The following MCC variants were observed in gnomAD, a reference collection of about 807,000 sequenced individuals.
MCC encodes colorectal mutant cancer protein.
A neutral mutation model predicts 116.2 loss-of-function variants in MCC; 90 were observed. That is an observed-to-expected ratio of 0.77 (90% CI 0.65 to 0.92). The LOEUF (loss-of-function observed/expected upper bound fraction) is 0.92. MCC is among the 40% of genes least tolerant of loss of function. MCC has a pLI of 0.00. For synonymous variants in MCC, 578 were observed against 510.5 expected, an observed-to-expected ratio of 1.13 and a Z score of -1.78; for missense variants, 1,516 against 1,312.2, an observed-to-expected ratio of 1.16 and a Z score of -2.40.
At chr5:113,131,456 A>T (rs1254080385) in intron 5 of MCC, among the ~76,000 whole-genome samples, 1 of 152,174 alleles carries the variant, frequency 6.6e-6, no homozygotes, top group Non-Finnish European at 1.5e-5. Context: ...AGAAGGCCTT[A>T]TGTATAAAGT....
In MCC at chr5:113,022,339, C is replaced by A. The variant is rs1750199894; in HGVS notation, c.*4963G>T. ...AGTAGCAATTTTAAAATGAGACTTT[C>A]AGTACAAACAGTAGAACAATACTGA... On this transcript the variant is annotated 3_prime_UTR_variant, in exon 19 of 19. Coordinates refer to ENST00000408903, the MANE Select transcript of MCC (RefSeq NM_001085377.2). 1 of 152,548 alleles carries A rather than the reference C, an allele frequency of 6.6e-6. No homozygotes were observed. The highest frequency in any genetic ancestry group is 1.5e-5 in the Non-Finnish European group (1 of 67,988). The allele number at this position is 152,548 out of a possible 1,614,324, so 9.4% of individuals were successfully genotyped here.
At chr5:113,420,499 TAAATTTTAATATACA>T (rs1242087409) in intron 1 of MCC, among the ~76,000 whole-genome samples, 1 of 152,146 alleles carries the variant, frequency 6.6e-6, no homozygotes, top group Non-Finnish European at 1.5e-5. Context: ...CTCTATGAAA[TAAATTTTAATATACA>T]AACCTGACAG....
intron 1 of MCC, among the ~76,000 whole-genome samples, chr5:113,407,869 C>T (rs1426739454): frequency 1.3e-5 from 2 of 152,286 alleles, no homozygotes; most frequent in East Asian, 1.9e-4. Flanking sequence ...CATTGTTCAA[C>T]TCCCACTTAC....
intron 1 of MCC, among the ~76,000 whole-genome samples, chr5:113,410,073 G>A (rs2150402250): frequency 6.6e-6 from 1 of 152,264 alleles, no homozygotes; most frequent in Admixed American, 6.5e-5. Context: ...TTTCTCAAAT[G>A]ACATACCTAT....
At chr5:113,223,222 AT>A (rs1337598311) in intron 3 of MCC, among the ~76,000 whole-genome samples, 3 of 152,216 alleles carry the variant, frequency 2.0e-5, no homozygotes, top group Non-Finnish European at 4.4e-5. Context: ...GGGCAGGGCA[AT>A]GAGAGCAGAA....
At chr5:113,269,685 T>G (rs1765542275) in intron 3 of MCC, among the ~76,000 whole-genome samples, 1 of 152,196 alleles carries the variant, frequency 6.6e-6, no homozygotes, top group Non-Finnish European at 1.5e-5. Flanking sequence ...TAGTTTTTTA[T>G]TTGGTCAGAA....
intron 3 of MCC, among the ~76,000 whole-genome samples, chr5:113,236,800 T>G (rs989440551): frequency 1.3e-5 from 2 of 152,096 alleles, no homozygotes; most frequent in Non-Finnish European, 2.9e-5. Context: ...ACTGATCGGA[T>G]GTTTGTTCAG....
chr5:113,258,800 C>T (rs1765117775), intron 3 of MCC, among the ~76,000 whole-genome samples: 1 of 152,194 alleles, frequency 6.6e-6, no homozygotes, highest in Non-Finnish European at 1.5e-5. Flanking sequence ...AGTTTAAATG[C>T]TCCTGTTAAA....
intron 3 of MCC, among the ~76,000 whole-genome samples, chr5:113,198,150 G>A (rs73244736): frequency 0.024 from 3,702 of 152,252 alleles, 108 homozygotes; most frequent in African/African-American, 0.07. Context: ...TACAGAAATG[G>A]TATCACCCAT....
intron 3 of MCC, among the ~76,000 whole-genome samples, chr5:113,319,830 T>G (rs1767375857): frequency 6.6e-6 from 1 of 152,196 alleles, no homozygotes; most frequent in South Asian, 2.1e-4. Context: ...AGCAGGCCTC[T>G]CCCTCTTGCA....
At chr5:113,093,789 A>G (rs72803236) in intron 8 of MCC, among the ~76,000 whole-genome samples, 22,218 of 152,074 alleles carry the variant, frequency 0.15, 1,861 homozygotes, top group South Asian at 0.22. Flanking sequence ...CAGGAAGGCA[A>G]GGTGGCACCA....
intron 3 of MCC, among the ~76,000 whole-genome samples, chr5:113,253,482 C>T (rs551853807): frequency 1.3e-5 from 2 of 152,256 alleles, no homozygotes; most frequent in South Asian, 4.1e-4. Flanking sequence ...CCTTGACACA[C>T]CCTAAAGTGA....
At chr5:113,384,902 C>T (rs1490679496) in intron 2 of MCC, 66 bp downstream of exon 2, 1 of 1,582,522 alleles carries the variant, frequency 6.3e-7, no homozygotes, top group Non-Finnish European at 8.6e-7. Context: ...AGGCTACTCT[C>T]ATTTAATGAG....
intron 7 of MCC, 94 bp downstream of exon 7, chr5:113,104,098 G>C: frequency 3.2e-6 from 4 of 1,236,728 alleles, no homozygotes; most frequent in Non-Finnish European, 3.4e-6. Context: ...TTCATCCCTA[G>C]TAAGTATTTA....
At chr5:113,385,573 A>G (rs989543857) in intron 1 of MCC, among the ~76,000 whole-genome samples, 10 of 152,224 alleles carry the variant, frequency 6.6e-5, no homozygotes, top group Non-Finnish European at 1.5e-4. Context: ...AAAGTTTCAG[A>G]ACATAGAACA....
chr5:113,443,629 G>A (rs1771114658), intron 1 of MCC, among the ~76,000 whole-genome samples: 1 of 151,984 alleles, frequency 6.6e-6, no homozygotes, highest in Non-Finnish European at 1.5e-5. Context: ...ATTGGCTGTG[G>A]GTTTGTCATA....
chr5:113,294,274 T>G, intron 3 of MCC: 2 of 1,612,362 alleles, frequency 1.2e-6, no homozygotes, highest in Non-Finnish European at 1.7e-6. Context: ...GAGGGGGATT[T>G]GTGGAAAAGC....
intron 2 of MCC, among the ~76,000 whole-genome samples, chr5:113,354,802 A>ATTATTG (rs59377042): frequency 0.033 from 4,836 of 148,440 alleles, 118 homozygotes; most frequent in East Asian, 0.075. Flanking sequence ...TATTATTATT[A>ATTATTG]TTATTCAACA....
chr5:113,059,307 C>T (rs1000270153), intron 14 of MCC, among the ~76,000 whole-genome samples: 3 of 152,204 alleles, frequency 2.0e-5, no homozygotes. Flanking sequence ...GGGAACAGAT[C>T]AGGCGAGGTT....
Sources: gnomAD v4.1 joint callset for allele counts (sites outside exome capture counted in the v4.1 genomes callset) on GRCh38, gnomAD v4.1.1 for gene constraint, MANE v1.5 for transcripts, NCBI Gene and HGNC (gene_info 2026-07-23, HGNC 2026-07-21) for gene names.